Variants in ST7 observed in about 807,000 individuals in gnomAD.
The protein encoded by ST7 is suppressor of tumorigenicity 7 protein.
A neutral mutation model predicts 78.7 loss-of-function variants in ST7; 28 were observed. The ratio of observed to expected loss-of-function variants is 0.36; its 90% CI spans 0.26 to 0.49. ST7 has a LOEUF of 0.49. Ranked by LOEUF, ST7 falls within the 20% of genes least tolerant of loss-of-function variation. ST7 has a pLI of 0.99. For synonymous variants in ST7, 247 were observed against 249.6 expected, an observed-to-expected ratio of 0.99 and a Z score of 0.10; for missense variants, 418 against 696.0, an observed-to-expected ratio of 0.60 and a Z score of 4.49.
chr7:117,064,179 A>G (rs1003288187), intron 1 of ST7, among the ~76,000 whole-genome samples: 1 of 147,232 alleles, frequency 6.8e-6, no homozygotes, highest in Non-Finnish European at 1.5e-5. Flanking sequence ...GACAATATAC[A>G]TGGGAAAAGT....
chr7:117,051,580 G>T (rs968548803), intron 1 of ST7, among the ~76,000 whole-genome samples: 3 of 152,230 alleles, frequency 2.0e-5, no homozygotes, highest in African/African-American at 7.2e-5. Context: ...ACTCAACAGG[G>T]TCTAATGTTT....
intron 1 of ST7, among the ~76,000 whole-genome samples, chr7:117,032,085 T>G (rs1157923616): frequency 6.6e-6 from 1 of 151,918 alleles, no homozygotes; most frequent in Non-Finnish European, 1.5e-5. Flanking sequence ...TTTAGCCATG[T>G]TGACCAGGCT....
chr7:117,199,397 A>G (rs1810611977), intron 12 of ST7, among the ~76,000 whole-genome samples: 1 of 152,178 alleles, frequency 6.6e-6, no homozygotes, highest in Non-Finnish European at 1.5e-5. Context: ...TCATGCCCTC[A>G]GAAGAGGAAT....
At position 117,119,693 on chromosome 7, in the gene ST7, T is replaced by A; in HGVS notation, c.367T>A (p.Ser123Thr). Reference sequence around the variant, plus strand: ...CAATTCTAATTCCAGTAACGGGGACTCAGATTCCAATAGGCAAAGTGTCTC... The same window carrying A: ...CAATTCTAATTCCAGTAACGGGGACACAGATTCCAATAGGCAAAGTGTCTC... ...SNNSNSSNGDSDSNRQSVSEC... is the reference protein window; with the variant it reads ...SNNSNSSNGDTDSNRQSVSEC... Residue 123 changes from serine (S) to threonine (T), a missense_variant, in exon 3 of 16, where the codon TCA becomes ACA. This residue lies in a region of ST7 where 36 missense variants were observed against 29.7 expected (regional missense o/e 1.21). Transcript: ENST00000323984. The A allele has an allele frequency of 6.2e-7, 1 of 1,613,294 alleles. No individual in the cohort carries two copies. The highest frequency in any genetic ancestry group is 1.6e-4 in the Middle Eastern group (1 of 6,062).
At chr7:117,056,547 A>G (rs1165279908) in intron 1 of ST7, among the ~76,000 whole-genome samples, 2 of 152,170 alleles carry the variant, frequency 1.3e-5, no homozygotes, top group South Asian at 2.1e-4. Flanking sequence ...AGGCAGGAGA[A>G]TCACTTGAAC....
At chr7:117,096,627 C>T (rs145869082) in intron 1 of ST7, among the ~76,000 whole-genome samples, 1 of 152,204 alleles carries the variant, frequency 6.6e-6, no homozygotes, top group Admixed American at 6.5e-5. Context: ...CAAGACAAGG[C>T]GAATAATATT....
At chr7:117,150,697 T>A (rs936967953) in intron 9 of ST7, among the ~76,000 whole-genome samples, 1 of 152,218 alleles carries the variant, frequency 6.6e-6, no homozygotes, top group East Asian at 1.9e-4. Flanking sequence ...AAATACAGGC[T>A]GTAAGGTAAT....
intron 1 of ST7, chr7:116,972,692 G>A (rs1793490779): frequency 1.0e-6 from 1 of 982,798 alleles, no homozygotes. Flanking sequence ...AGCTTTTGCA[G>A]GGCAGTGGCT....
chr7:117,054,116 G>A (rs1164556306), intron 1 of ST7, among the ~76,000 whole-genome samples: 1 of 152,040 alleles, frequency 6.6e-6, no homozygotes, highest in African/African-American at 2.4e-5. Flanking sequence ...GCGATTACAG[G>A]CATGAGCCAC....
chr7:116,954,297 T>A (rs1353382035), intron 1 of ST7: 1 of 152,082 alleles, frequency 6.6e-6, no homozygotes. Context: ...GGTTGGGTAG[T>A]GGGGAGAGGG....
intron 6 of ST7, among the ~76,000 whole-genome samples, chr7:117,133,305 A>G (rs539095450): frequency 2.6e-5 from 4 of 151,944 alleles, no homozygotes; most frequent in African/African-American, 7.2e-5. Context: ...GAGCAATTCC[A>G]TGGCCTGCCT....
At position 117,080,484 on chromosome 7, in the gene ST7, G is replaced by GT. The variant is rs201365553; in HGVS notation, c.152-19271dup. 6.2e-3 allele frequency among the ~76,000 whole-genome samples: 945 copies of GT among 151,580 alleles called. 6 individuals are homozygous for GT. Among genetic ancestry groups the GT allele is most frequent in the African/African-American group, 0.018 (730 of 41,322 alleles). ...TTCTTGTTGTATATTTAGTTTTTAG[G>GT]TTTTTTTGCTTTTGCAAATAATATA... On this transcript the variant is annotated intron_variant, in intron 1 of 15. Coordinates refer to ENST00000323984, the MANE Select transcript of ST7 (RefSeq NM_001369598.1).
intron 1 of ST7, among the ~76,000 whole-genome samples, chr7:117,030,065 G>A (rs1460243731): frequency 6.6e-6 from 1 of 152,112 alleles, no homozygotes; most frequent in Non-Finnish European, 1.5e-5. Flanking sequence ...AAAAAGACCT[G>A]GGATTTTGAT....
chr7:117,077,084 G>A (rs1429438924), intron 1 of ST7, among the ~76,000 whole-genome samples: 1 of 152,186 alleles, frequency 6.6e-6, no homozygotes, highest in Non-Finnish European at 1.5e-5. Context: ...GCTGTCTCCA[G>A]CCAGATTCTT....
chr7:117,040,809 C>T (rs1797176597), intron 1 of ST7, among the ~76,000 whole-genome samples: 3 of 152,208 alleles, frequency 2.0e-5, no homozygotes, highest in Admixed American at 2.0e-4. Flanking sequence ...GCAATAATGT[C>T]ATTGCCAAAA....
chr7:117,226,619 C>G (rs976429984), intron 15 of ST7, among the ~76,000 whole-genome samples: 2 of 152,164 alleles, frequency 1.3e-5, no homozygotes, highest in Non-Finnish European at 2.9e-5. Flanking sequence ...AAAAATATCT[C>G]CTGATGGAGC....
At chr7:117,004,718 G>A (rs1285116879) in intron 1 of ST7, among the ~76,000 whole-genome samples, 1 of 151,938 alleles carries the variant, frequency 6.6e-6, no homozygotes. Flanking sequence ...AAATGACTAC[G>A]AACTCTCATT....
intron 9 of ST7, among the ~76,000 whole-genome samples, chr7:117,145,181 G>A (rs1805663798): frequency 6.6e-6 from 1 of 150,556 alleles, no homozygotes; most frequent in Admixed American, 6.6e-5. Flanking sequence ...TTCCAGCCTG[G>A]GCAACAGAAT....
chr7:116,986,929 T>G (rs1232397608), intron 1 of ST7, among the ~76,000 whole-genome samples: 1 of 152,180 alleles, frequency 6.6e-6, no homozygotes, highest in African/African-American at 2.4e-5. Context: ...GAAGGATGAT[T>G]AAGAACTTCT....
Sources: gnomAD v4.1 joint callset for allele counts (sites outside exome capture counted in the v4.1 genomes callset) on GRCh38, gnomAD v4.1.1 for gene constraint, gnomAD v4.1.1 regional missense constraint, MANE v1.5 for transcripts, NCBI Gene and HGNC (gene_info 2026-07-23, HGNC 2026-07-21) for gene names.